R3HDM1: variants seen among roughly 807,000 people sequenced by gnomAD.
The protein encoded by R3HDM1 is R3H domain-containing protein 1.
Under a neutral mutation model 141.1 loss-of-function variants are expected in R3HDM1, and 46 were observed. That is an observed-to-expected ratio of 0.33 (90% CI 0.26 to 0.42). R3HDM1 has a LOEUF of 0.42. Among genes scored for constraint, R3HDM1 ranks in the 10% least tolerant of loss-of-function variants. The probability of loss-of-function intolerance (pLI) is 1.00; values close to 1 mark genes in which losing one functional copy is unlikely to be tolerated. For synonymous variants in R3HDM1, 435 were observed against 472.9 expected, an observed-to-expected ratio of 0.92 and a Z score of 1.04; for missense variants, 1,184 against 1,368.3, an observed-to-expected ratio of 0.87 and a Z score of 2.12.
intron 1 of R3HDM1, among the ~76,000 whole-genome samples, chr2:135,570,230 C>T (rs1239937087): frequency 1.3e-5 from 2 of 152,220 alleles, no homozygotes; most frequent in Non-Finnish European, 2.9e-5. Flanking sequence ...CCACCAACTG[C>T]ATCTAGAATA....
At chr2:135,675,582 G>A in intron 20 of R3HDM1, 96 bp downstream of exon 20, 5 of 1,248,822 alleles carry the variant, frequency 4.0e-6, no homozygotes, top group Non-Finnish European at 4.4e-6. Flanking sequence ...TTTTAATACA[G>A]GAAAAACATT....
chr2:135,698,677 G>A (rs1446720845), intron 21 of R3HDM1, among the ~76,000 whole-genome samples: 2 of 152,260 alleles, frequency 1.3e-5, no homozygotes, highest in East Asian at 3.9e-4. Flanking sequence ...AGGCTGCATA[G>A]GAAGCATAGT....
chr2:135,689,689 T>C (rs573584987), intron 21 of R3HDM1, among the ~76,000 whole-genome samples: 132 of 152,332 alleles, frequency 8.7e-4, no homozygotes, highest in African/African-American at 2.7e-3. Flanking sequence ...TTGTTACTTA[T>C]CATTATGAAG....
intron 19 of R3HDM1, chr2:135,669,450 T>C (rs2068001704): frequency 3.0e-6 from 3 of 984,506 alleles, no homozygotes; most frequent in African/African-American, 1.7e-5. Context: ...CCAGTAATTA[T>C]CTGTTTTCCT....
chr2:135,563,879 G>A (rs1385545888), intron 1 of R3HDM1, among the ~76,000 whole-genome samples: 1 of 152,172 alleles, frequency 6.6e-6, no homozygotes, highest in Non-Finnish European at 1.5e-5. Flanking sequence ...AGGAAGCGTG[G>A]TGCCAGCATC....
chr2:135,629,148 G>A (rs995171912), intron 7 of R3HDM1, among the ~76,000 whole-genome samples: 2 of 151,632 alleles, frequency 1.3e-5, no homozygotes, highest in Non-Finnish European at 2.9e-5. Flanking sequence ...GAAACCCTGT[G>A]ACTACTAAAA....
chr2:135,590,189 T>A (rs1436930914), intron 1 of R3HDM1, among the ~76,000 whole-genome samples: 1 of 152,164 alleles, frequency 6.6e-6, no homozygotes, highest in Non-Finnish European at 1.5e-5. Context: ...TTTCAAATGC[T>A]TAGAAAGTTA....
intron 1 of R3HDM1, among the ~76,000 whole-genome samples, chr2:135,552,966 C>T (rs759653384): frequency 6.6e-6 from 1 of 151,934 alleles, no homozygotes; most frequent in Non-Finnish European, 1.5e-5. Context: ...GCAGCCTCAC[C>T]CTCTTGGGCT....
At chr2:135,578,043 C>T (rs1025950279) in intron 1 of R3HDM1, among the ~76,000 whole-genome samples, 3 of 152,142 alleles carry the variant, frequency 2.0e-5, no homozygotes, top group African/African-American at 7.2e-5. Flanking sequence ...ACCCAACAAT[C>T]CCACTTCTAG....
At position 135,661,177 on chromosome 2, in the gene R3HDM1, G is replaced by A. The variant is rs1342329794; in HGVS notation, c.2029-93G>A. 11 of 1,461,464 alleles carry A rather than the reference G, an allele frequency of 7.5e-6. No homozygotes were observed. The South Asian group carries it at 1.4e-4, about 19-fold the overall frequency. 90.5% of individuals were successfully genotyped at this position (1,461,464 alleles called of 1,614,324 possible). A position where few individuals can be genotyped will look rare whatever the true frequency, so the allele number is the denominator to read the frequency against. On this transcript the variant is annotated intron_variant, in intron 18 of 26. Transcript: ENST00000683871. ...GTTTTCCAATGATTAGTGCTAAAAA[G>A]AATTATTACTCATTAAACTCTGATC...
At chr2:135,565,841 C>A in intron 1 of R3HDM1, 2 of 152,538 alleles carry the variant, frequency 1.3e-5, no homozygotes, top group South Asian at 3.7e-4. Context: ...CCGGTGGAGT[C>A]AAAGGAATGA....
chr2:135,546,107 T>C (rs976156087), intron 1 of R3HDM1, among the ~76,000 whole-genome samples: 10 of 152,376 alleles, frequency 6.6e-5, no homozygotes, highest in African/African-American at 2.4e-4. Context: ...TTTTATTCTT[T>C]GCTTGAACTA....
intron 24 of R3HDM1, among the ~76,000 whole-genome samples, chr2:135,716,313 GA>G (rs1372439363): frequency 1.3e-5 from 2 of 152,066 alleles, no homozygotes; most frequent in Non-Finnish European, 2.9e-5. Context: ...AAATAAAACA[GA>G]AAAAAGAGAT....
intron 18 of R3HDM1, among the ~76,000 whole-genome samples, chr2:135,654,704 C>T (rs2065584899): frequency 6.6e-6 from 1 of 152,284 alleles, no homozygotes; most frequent in South Asian, 2.1e-4. Context: ...CCGCCTCGGC[C>T]TCCCAAAGTG....
intron 1 of R3HDM1, among the ~76,000 whole-genome samples, chr2:135,552,606 A>G (rs1244068812): frequency 1.3e-5 from 2 of 152,184 alleles, no homozygotes; most frequent in East Asian, 3.8e-4. Context: ...GACCCTAGGT[A>G]CTTTTTTCAC....
chr2:135,600,978 C>T (rs755308433), intron 1 of R3HDM1, among the ~76,000 whole-genome samples: 1 of 152,040 alleles, frequency 6.6e-6, no homozygotes, highest in Admixed American at 6.6e-5. Flanking sequence ...TTATCTAGTA[C>T]CTTATTTATT....
In R3HDM1 at chr2:135,724,411, T is replaced by C; in HGVS notation, c.*119T>C. 1 of 769,070 alleles carries C rather than the reference T, an allele frequency of 1.3e-6. No individual in the cohort carries two copies. The highest frequency in any genetic ancestry group is 2.0e-6 in the Non-Finnish European group (1 of 499,872). 47.6% of individuals were successfully genotyped at this position (769,070 alleles called of 1,614,324 possible). A position where few individuals can be genotyped will look rare whatever the true frequency, so the allele number is the denominator to read the frequency against. On this transcript the variant is annotated 3_prime_UTR_variant, in exon 27 of 27. Transcript: ENST00000683871. ...ACTCCTAGGATGTGTGTTCATGGCA[T>C]TATAGCTTTTGAAGAAAGGCCAGTG...
rs1553576639 is a variant in R3HDM1 at position 135,626,209 on chromosome 2, G to GTGCGTGTGTGCTTGCTTGCTTGCTTGCT, written c.497+3480_497+3481insGTGTGTGCTTGCTTGCTTGCTTGCTTGC. ...CGTGCGTGCGTGCGTGCGTGCGTGC[G>GTGCGTGTGTGCTTGCTTGCTTGCTTGCT]TGCTTGCTTGCTTGCTTGCTTGCTT... On this transcript the variant is annotated intron_variant, in intron 7 of 26. Transcript: ENST00000683871. Among the ~76,000 whole-genome samples the GTGCGTGTGTGCTTGCTTGCTTGCTTGCT allele has an allele frequency of 2.3e-4, 33 of 143,448 alleles. 1 individual carries two copies. In the East Asian group the frequency reaches 5.1e-3, roughly 22 times the overall value. The allele number at this position is 143,448 out of a possible 152,430, so 94.1% of individuals were successfully genotyped here.
chr2:135,683,628 T>A (rs563066353), intron 21 of R3HDM1, among the ~76,000 whole-genome samples: 2 of 152,250 alleles, frequency 1.3e-5, no homozygotes, highest in East Asian at 3.9e-4. Context: ...ATTAATTTTT[T>A]AAAACATAGC....
Sources: allele counts gnomAD v4.1 joint callset (sites outside exome capture counted in the v4.1 genomes callset), GRCh38; gene constraint gnomAD v4.1.1; transcripts MANE v1.5; gene names NCBI Gene and HGNC (gene_info 2026-07-23, HGNC 2026-07-21).